RALGPS1: variants seen among roughly 807,000 people sequenced by gnomAD.
RALGPS1 encodes the protein ras-specific guanine nucleotide-releasing factor RalGPS1.
RALGPS1 carries 19 observed loss-of-function variants against 78.8 expected under a neutral mutation model. That is an observed-to-expected ratio of 0.24 (90% confidence interval 0.17 to 0.35). The LOEUF (loss-of-function observed/expected upper bound fraction) is 0.35. Among genes scored for constraint, RALGPS1 ranks in the 10% least tolerant of loss-of-function variants. RALGPS1 has a pLI of 1.00. For missense variants in RALGPS1, 454 were observed against 688.3 expected (o/e 0.66, Z 3.81); for synonymous variants, 228 against 256.3 (o/e 0.89, Z 1.06).
intron 3 of RALGPS1, among the ~76,000 whole-genome samples, chr9:126,971,190 A>G (rs2040074099): frequency 6.6e-6 from 1 of 152,138 alleles, no homozygotes; most frequent in Non-Finnish European, 1.5e-5. Context: ...CATACAGACA[A>G]TAGGAATGCC....
intron 11 of RALGPS1, among the ~76,000 whole-genome samples, chr9:127,176,535 G>GCAAAATGAA (rs1480121631): frequency 6.6e-6 from 1 of 152,194 alleles, no homozygotes; most frequent in Admixed American, 6.5e-5. Flanking sequence ...CAGAATTCTG[G>GCAAAATGAA]AGCAAAATGA....
Position 127,154,958 on chromosome 9 carries a change from A to G in RALGPS1, c.611-11111A>G, listed in dbSNP as rs764705035. On this transcript the variant is annotated intron_variant, in intron 8 of 18. Coordinates refer to ENST00000259351, the MANE Select transcript of RALGPS1 (RefSeq NM_014636.3). The stretch of plus-strand genomic sequence containing the variant: ...ACATGGGCAGCCTCGGTTCTACCCA[A>G]TATAGAGGCAGGTTTCTAAGGCTTT... 1.1e-4 allele frequency among the ~76,000 whole-genome samples: 17 copies of G among 152,306 alleles called. No homozygotes were observed. The South Asian group carries it at 3.5e-3, about 32-fold the overall frequency.
At chr9:127,120,474 C>G (rs1183205309) in intron 8 of RALGPS1, among the ~76,000 whole-genome samples, 2 of 152,228 alleles carry the variant, frequency 1.3e-5, no homozygotes, top group Non-Finnish European at 2.9e-5. Flanking sequence ...AGTATTATCT[C>G]TGTCTCGTGG....
At chr9:127,050,381 A>G (rs1286201269) in intron 6 of RALGPS1, among the ~76,000 whole-genome samples, 1 of 152,208 alleles carries the variant, frequency 6.6e-6, no homozygotes, top group East Asian at 1.9e-4. Flanking sequence ...TTTAGTGGCC[A>G]GCCATTCTCC....
In RALGPS1 at chr9:127,168,585, TG is replaced by T. The variant is rs1285978212; in HGVS notation, c.749-91del. On this transcript the variant is annotated intron_variant, in intron 9 of 18. Coordinates refer to ENST00000259351, the MANE Select transcript of RALGPS1 (RefSeq NM_014636.3). The stretch of plus-strand genomic sequence containing the variant: ...GAAGAGTGAATGAGTCTCAGTATCC[TG>T]GGAGCATCTAAAATCATGATTTCTA... 21 of 885,272 alleles carry T rather than the reference TG, an allele frequency of 2.4e-5. 1 individual carries two copies. In the Admixed American group the frequency reaches 3.6e-4, roughly 15 times the overall value. The allele number at this position is 885,272 out of a possible 1,614,324, so 54.8% of individuals were successfully genotyped here.
intron 11 of RALGPS1, among the ~76,000 whole-genome samples, chr9:127,177,231 G>A (rs961695937): frequency 6.6e-6 from 1 of 152,114 alleles, no homozygotes; most frequent in African/African-American, 2.4e-5. Context: ...GAGCCAGGCT[G>A]CAGCTCTGGG....
intron 18 of RALGPS1, chr9:127,217,314 T>C (rs1030257858): frequency 6.6e-5 from 70 of 1,054,690 alleles, no homozygotes; most frequent in Non-Finnish European, 7.8e-5. Flanking sequence ...ATGTGCTATA[T>C]GTAATAATAA....
chr9:127,092,536 A>G (rs1420929816), intron 8 of RALGPS1, among the ~76,000 whole-genome samples: 4 of 152,052 alleles, frequency 2.6e-5, no homozygotes, highest in Non-Finnish European at 5.9e-5. Flanking sequence ...TTAATACAAT[A>G]ATTATTTAGT....
At chr9:126,928,456 A>G (rs2035500734) in intron 1 of RALGPS1, among the ~76,000 whole-genome samples, 1 of 152,216 alleles carries the variant, frequency 6.6e-6, no homozygotes, top group South Asian at 2.1e-4. Context: ...TAGAGGCAGG[A>G]TGATGAGATA....
chr9:127,164,691 C>T (rs1268877195), intron 8 of RALGPS1, among the ~76,000 whole-genome samples: 2 of 151,932 alleles, frequency 1.3e-5, no homozygotes, highest in Non-Finnish European at 2.9e-5. Context: ...AGGTATGCAC[C>T]ACCATGGCCA....
chr9:126,937,063 T>A (rs1373998166), intron 1 of RALGPS1, among the ~76,000 whole-genome samples: 1 of 152,148 alleles, frequency 6.6e-6, no homozygotes, highest in Non-Finnish European at 1.5e-5. Context: ...TTGGCCAGGC[T>A]GCTCTTGAAC....
intron 8 of RALGPS1, among the ~76,000 whole-genome samples, chr9:127,158,194 A>C (rs1008132769): frequency 3.3e-5 from 5 of 152,060 alleles, no homozygotes; most frequent in Non-Finnish European, 5.9e-5. Flanking sequence ...GGTTTTATGC[A>C]TGAGCTCCTT....
chr9:127,022,071 C>G (rs1041258476), intron 4 of RALGPS1, among the ~76,000 whole-genome samples: 1 of 152,052 alleles, frequency 6.6e-6, no homozygotes, highest in African/African-American at 2.4e-5. Context: ...CTAGTATGAC[C>G]TGAAAGCTGA....
intron 8 of RALGPS1, among the ~76,000 whole-genome samples, chr9:127,148,296 G>C (rs2058219365): frequency 6.6e-6 from 1 of 152,246 alleles, no homozygotes. Flanking sequence ...CCCAGGTGGG[G>C]GCCAGTCGGG....
chr9:127,141,678 G>C (rs1291280713), intron 8 of RALGPS1, among the ~76,000 whole-genome samples: 1 of 134,068 alleles, frequency 7.5e-6, no homozygotes, highest in African/African-American at 2.8e-5. Context: ...CCTGGAGAAA[G>C]AAACATTTTA....
chr9:127,175,820 C>T (rs2059836131), intron 11 of RALGPS1, among the ~76,000 whole-genome samples: 1 of 151,954 alleles, frequency 6.6e-6, no homozygotes, highest in South Asian at 2.1e-4. Flanking sequence ...AAGGGGGTGG[C>T]TGCTACAAGC....
intron 7 of RALGPS1, among the ~76,000 whole-genome samples, chr9:127,062,871 G>T (rs184993213): frequency 7.9e-4 from 121 of 152,214 alleles, no homozygotes; most frequent in African/African-American, 2.8e-3. Flanking sequence ...TCAGAAATGG[G>T]TATTTTGCAT....
intron 8 of RALGPS1, among the ~76,000 whole-genome samples, chr9:127,082,200 G>A (rs2051241051): frequency 6.6e-6 from 1 of 152,208 alleles, no homozygotes. Context: ...TCTGGTGACT[G>A]CCAGAGCATC....
intron 8 of RALGPS1, chr9:127,107,851 A>G (rs2137076240): frequency 1.4e-6 from 2 of 1,476,722 alleles, no homozygotes; most frequent in African/African-American, 1.4e-5. Context: ...TTGTGGACAC[A>G]GCCAAGGGAA....
Sources: allele counts gnomAD v4.1 joint callset (sites outside exome capture counted in the v4.1 genomes callset), GRCh38; gene constraint gnomAD v4.1.1; transcripts MANE v1.5; gene names NCBI Gene and HGNC (gene_info 2026-07-23, HGNC 2026-07-21).